The following SLC7A2 variants were observed in gnomAD, a reference collection of about 807,000 sequenced individuals.
SLC7A2 encodes cationic amino acid transporter 2.
In SLC7A2, 48 loss-of-function variants were observed where a neutral mutation model predicts 58.9. The ratio of observed to expected loss-of-function variants is 0.82; its 90% confidence interval spans 0.65 to 1.04. The LOEUF is 1.04. Ranked by LOEUF, SLC7A2 falls within the 50% of genes least tolerant of loss-of-function variation. SLC7A2 has a pLI of 0.00. For missense variants in SLC7A2, 1,029 were observed against 818.8 expected (o/e 1.26, Z -3.13); for synonymous variants, 363 against 314.5 (o/e 1.15, Z -1.63).
chr8:17,519,267 A>G (rs1324123435), intron 2 of SLC7A2, among the ~76,000 whole-genome samples: 1 of 152,214 alleles, frequency 6.6e-6, no homozygotes, highest in African/African-American at 2.4e-5. Context: ...TATGTAATAC[A>G]CTTAGCCTAG....
chr8:17,546,013 C>G (rs1802155229), intron 4 of SLC7A2, among the ~76,000 whole-genome samples: 1 of 152,170 alleles, frequency 6.6e-6, no homozygotes, highest in South Asian at 2.1e-4. Flanking sequence ...GTGCGTAGAT[C>G]TAAAATGTTT....
intron 8 of SLC7A2, among the ~76,000 whole-genome samples, chr8:17,557,769 A>T (rs1439748267): frequency 6.6e-6 from 1 of 152,162 alleles, no homozygotes; most frequent in African/African-American, 2.4e-5. Flanking sequence ...TGGAGATTGC[A>T]GTAAGCCGAG....
chr8:17,559,076 C>T (rs75571935), intron 9 of SLC7A2, among the ~76,000 whole-genome samples: 1 of 151,938 alleles, frequency 6.6e-6, no homozygotes, highest in Admixed American at 6.6e-5. Flanking sequence ...CTCCTGTATA[C>T]TTTCATGTAT....
intron 2 of SLC7A2, among the ~76,000 whole-genome samples, chr8:17,517,694 T>A (rs1332486305): frequency 1.3e-5 from 2 of 152,158 alleles, no homozygotes; most frequent in African/African-American, 4.8e-5. Context: ...TTTAAGGCAG[T>A]AATAGTTCAT....
chr8:17,550,839 T>G (rs976933565), intron 6 of SLC7A2, among the ~76,000 whole-genome samples: 1 of 152,188 alleles, frequency 6.6e-6, no homozygotes, highest in Non-Finnish European at 1.5e-5. Context: ...GAAAAAATAT[T>G]GTGTCAGTTC....
chr8:17,505,599 A>C (rs376557060), intron 2 of SLC7A2, among the ~76,000 whole-genome samples: 1 of 152,154 alleles, frequency 6.6e-6, no homozygotes, highest in Non-Finnish European at 1.5e-5. Context: ...ATGTCTTCCT[A>C]TGGGCCAGAA....
At chr8:17,561,847 A>G (rs1803005067) in intron 10 of SLC7A2, 97 bp from the exon 11 acceptor site, 3 of 1,161,358 alleles carry the variant, frequency 2.6e-6, no homozygotes, top group Non-Finnish European at 3.7e-6. Flanking sequence ...GTAGATGTGT[A>G]CAGAAGTCAG....
In SLC7A2 at chr8:17,568,006, A is replaced by G. The variant is rs1803343130; in HGVS notation, c.*2860A>G. ...TTCTGTTTCTGCTTGTGAATTCATA[A>G]TGTTTTCAACTAAATTTTTTTTTTC... is the stretch of plus-strand genomic sequence containing the variant. On this transcript the variant is annotated 3_prime_UTR_variant, in exon 13 of 13. Coordinates refer to ENST00000494857, the MANE Select transcript of SLC7A2 (RefSeq NM_001370338.1). The G allele has an allele frequency of 1.2e-5, 1 of 80,424 alleles. No individual in the cohort carries two copies. The highest frequency in any genetic ancestry group is 2.3e-5 in the Non-Finnish European group (1 of 43,918). The allele number at this position is 80,424 out of a possible 1,614,324, so 5.0% of individuals were successfully genotyped here.
At chr8:17,536,781 T>G (rs1484797954) in intron 2 of SLC7A2, among the ~76,000 whole-genome samples, 1 of 152,082 alleles carries the variant, frequency 6.6e-6, no homozygotes, top group East Asian at 1.9e-4. Context: ...GAGTTGACAG[T>G]GGGAGTAGAG....
upstream of SLC7A2, among the ~76,000 whole-genome samples, chr8:17,495,570 G>C (rs2150625448): frequency 6.6e-6 from 1 of 152,202 alleles, no homozygotes; most frequent in South Asian, 2.1e-4. Context: ...TTGTTTTTGA[G>C]ACGGAATCTC....
In SLC7A2 at chr8:17,567,974, G is replaced by A. The variant is rs535472875; in HGVS notation, c.*2828G>A. On this transcript the variant is annotated 3_prime_UTR_variant, in exon 13 of 13. Coordinates refer to ENST00000494857, the MANE Select transcript of SLC7A2 (RefSeq NM_001370338.1). ...CAAAAGTCAGTATCACCAGCTCTTT[G>A]GCACCTTTCTGTTTCTGCTTGTGAA... is the stretch of plus-strand genomic sequence containing the variant. 2.0e-5 allele frequency: 3 copies of A among 151,566 alleles called. No individual in the cohort carries two copies. The South Asian group carries it at 6.3e-4, about 32-fold the overall frequency. 9.4% of individuals were successfully genotyped at this position (151,566 alleles called of 1,614,324 possible). A position where few individuals can be genotyped will look rare whatever the true frequency, so the allele number is the denominator to read the frequency against.
intron 9 of SLC7A2, among the ~76,000 whole-genome samples, chr8:17,558,772 G>C (rs1483868645): frequency 6.6e-6 from 1 of 152,142 alleles, no homozygotes; most frequent in African/African-American, 2.4e-5. Context: ...ATTTACAATA[G>C]TGAAAAAATG....
At chr8:17,510,610 T>G (rs1800564074) in intron 2 of SLC7A2, 1 of 152,230 alleles carries the variant, frequency 6.6e-6, no homozygotes, top group Non-Finnish European at 1.5e-5. Context: ...ATCATATGTT[T>G]GTTGGCTGCA....
rs1302975765 is a variant in SLC7A2 at position 17,544,552 on chromosome 8, G to T, written c.478G>T (p.Gly160Cys). The change falls in exon 4 of 13, where the codon GGT becomes TGT. Residue 160 changes from glycine (G) to cysteine (C), a missense_variant. Physicochemically the swap from Gly to Cys is radical, Grantham distance 159 (BLOSUM62 -3). Transcript: ENST00000494857. ...GACATACTTCAGAATGAATTACACT[G>T]GTCTTGCAGAATATCCCGATTTTTT... ...LRTYFRMNYT[G>C]LAEYPDFFAV... 6.2e-7 allele frequency: 1 copy of T among 1,613,810 alleles called. No homozygotes were observed. The highest frequency in any genetic ancestry group is 8.5e-7 in the Non-Finnish European group (1 of 1,179,922).
chr8:17,530,732 C>G (rs1347486626), intron 2 of SLC7A2, among the ~76,000 whole-genome samples: 1 of 152,008 alleles, frequency 6.6e-6, no homozygotes, highest in African/African-American at 2.4e-5. Context: ...GCCACCATGC[C>G]TGGCTAATTT....
Position 17,551,765 on chromosome 8 carries a change from T to A in SLC7A2, c.834T>A (p.Gly278=). ...CATCTTTTGTTTATATTTCCTTAGG[T>A]GAAGAAGTTCGGAATCCCCAGAAAG... The part of the protein sequence containing the change: ...FVGFDCIATT[G]EEVRNPQKAI... The change falls in exon 7 of 13, where the codon GGT becomes GGA. Residue 278 remains glycine (G), a splice_region_variant and synonymous_variant. Coordinates refer to ENST00000494857, the MANE Select transcript of SLC7A2 (RefSeq NM_001370338.1). 6.2e-7 allele frequency: 1 copy of A among 1,610,858 alleles called. No homozygotes were observed. The highest frequency in any genetic ancestry group is 8.5e-7 in the Non-Finnish European group (1 of 1,177,086).
chr8:17,515,230 T>C (rs1020279732), intron 2 of SLC7A2, among the ~76,000 whole-genome samples: 5 of 152,148 alleles, frequency 3.3e-5, no homozygotes, highest in Non-Finnish European at 4.4e-5. Flanking sequence ...AATGAGGACA[T>C]AGCTTGTGGT....
rs1800241183 is a variant in SLC7A2 at position 17,503,304 on chromosome 8, C to T, written c.-23+1002C>T. 2.0e-5 allele frequency among the ~76,000 whole-genome samples: 3 copies of T among 152,116 alleles called. No homozygotes were observed. The South Asian group carries it at 6.2e-4, about 32-fold the overall frequency. ...TGACCTCATGATCTGCCCGCCTCGGCCTCCCAAAGTGCTGGGATTACAGGT... is the reference window on the plus strand; with the variant it reads ...TGACCTCATGATCTGCCCGCCTCGGTCTCCCAAAGTGCTGGGATTACAGGT... On this transcript the variant is annotated intron_variant, in intron 2 of 12. Transcript: ENST00000494857.
intron 5 of SLC7A2, among the ~76,000 whole-genome samples, chr8:17,549,509 TC>T (rs1340889792): frequency 6.6e-6 from 1 of 152,132 alleles, no homozygotes; most frequent in East Asian, 1.9e-4. Flanking sequence ...CTTGATCTTT[TC>T]CCCCCAGCAG....
Sources: gnomAD v4.1 joint callset for allele counts (sites outside exome capture counted in the v4.1 genomes callset) on GRCh38, gnomAD v4.1.1 for gene constraint, MANE v1.5 for transcripts, NCBI Gene and HGNC (gene_info 2026-07-23, HGNC 2026-07-21) for gene names.